The following TFAP2C variants were observed in gnomAD, a reference collection of about 807,000 sequenced individuals.
The protein encoded by TFAP2C is activating enhancer-binding protein 2 gamma.
TFAP2C carries 9 observed loss-of-function variants against 42.9 expected under a neutral mutation model. That is an observed-to-expected ratio of 0.21 (90% CI 0.13 to 0.37). The LOEUF is 0.37. Among genes scored for constraint, TFAP2C ranks in the 10% least tolerant of loss-of-function variants. The pLI, the probability that TFAP2C is intolerant of heterozygous loss-of-function variation, is 1.00. For missense variants in TFAP2C, 462 were observed against 591.7 expected (o/e 0.78, Z 2.27); for synonymous variants, 264 against 256.0 (o/e 1.03, Z -0.30).
chr20:56,630,744 A>G lies in TFAP2C; in HGVS notation c.49-461A>G. On this transcript the variant is annotated intron_variant, in intron 1 of 6. Coordinates refer to ENST00000201031, the MANE Select transcript of TFAP2C (RefSeq NM_003222.4). This position sits in a 1 kb window ranked among gnomAD's most constrained non-coding sequence, Gnocchi z 5.1. Reference sequence around the variant, plus strand: ...GAGGTGCGCATTTCCCGCGCCGCGCACTCTATCCGCGCCTGCCGCGCTGCC... The same window carrying G: ...GAGGTGCGCATTTCCCGCGCCGCGCGCTCTATCCGCGCCTGCCGCGCTGCC... The G allele has an allele frequency of 1.0e-6, 1 of 984,598 alleles. No homozygotes were observed. Among genetic ancestry groups the G allele is most frequent in the Non-Finnish European group, 1.2e-6 (1 of 829,664 alleles). 61.0% of individuals were successfully genotyped at this position (984,598 alleles called of 1,614,324 possible).
chr20:56,629,414 C>G lies in TFAP2C; in HGVS notation c.-131C>G, dbSNP rs1568750695. ...GCCGATGCGTGTCCAGTGACCCGGA[C>G]AGCAAGGCCCGCGCGCGGCGGGGGC... On this transcript the variant is annotated 5_prime_UTR_variant, in exon 1 of 7. Transcript: ENST00000201031. This position sits in a 1 kb window ranked among gnomAD's most constrained non-coding sequence, Gnocchi z 5.9. 4.0e-6 allele frequency: 3 copies of G among 747,042 alleles called. No individual in the cohort carries two copies. The highest frequency in any genetic ancestry group is 5.8e-6 in the Non-Finnish European group (3 of 513,038). The allele number at this position is 747,042 out of a possible 1,614,324, so 46.3% of individuals were successfully genotyped here. A position where few individuals can be genotyped will look rare whatever the true frequency, so the allele number is the denominator to read the frequency against.
rs558498543 is a variant in TFAP2C, at chr20:56,629,801, G to T, written c.48+209G>T. 2.8e-4 allele frequency among the ~76,000 whole-genome samples: 42 copies of T among 152,240 alleles called. No homozygotes were observed. Among genetic ancestry groups the T allele is most frequent in the African/African-American group, 9.9e-4 (41 of 41,558 alleles). ...TAAATAGCCTCCCCTCGGGAACGAG[G>T]CCTGGAAAGAGAATGGCAAATCCCA... On this transcript the variant is annotated intron_variant, in intron 1 of 6. Coordinates refer to ENST00000201031, the MANE Select transcript of TFAP2C (RefSeq NM_003222.4). The surrounding 1 kb of genome is among the most constrained non-coding windows in gnomAD (Gnocchi z 5.9).
intron 5 of TFAP2C, among the ~76,000 whole-genome samples, chr20:56,636,263 G>T (rs571501361): frequency 6.6e-6 from 1 of 152,296 alleles, no homozygotes; most frequent in South Asian, 2.1e-4. Context: ...GAAAATGGGG[G>T]CTGGGTGCTG....
At position 56,631,634 on chromosome 20, in the gene TFAP2C, G is replaced by T; in HGVS notation, c.478G>T (p.Gly160Cys). ...CCACGCACACGCCCTGGATGCCGCG[G>T]GCCTGGCCGAGAACCTGGGGCTCCA... ...LPHAHALDAAGLAENLGLHDM... is the reference protein window; with the variant it reads ...LPHAHALDAACLAENLGLHDM... The change falls in exon 2 of 7, where the codon GGC becomes TGC. Residue 160 changes from glycine (G) to cysteine (C), a missense_variant. Physicochemically the swap from Gly to Cys is radical, Grantham distance 159 (BLOSUM62 -3). Transcript: ENST00000201031. The surrounding 1 kb of genome is among the most constrained non-coding windows in gnomAD (Gnocchi z 6.1). 1 of 1,577,648 alleles carries T rather than the reference G, an allele frequency of 6.3e-7. No homozygotes were observed.
intron 6 of TFAP2C, 111 bp from the exon 7 acceptor site, chr20:56,637,617 T>G: frequency 1.1e-6 from 1 of 934,770 alleles, no homozygotes; most frequent in South Asian, 1.6e-5. Flanking sequence ...TTCCTCGGGT[T>G]GAAGCAGTTG....
rs773514336 is a variant in TFAP2C at position 56,634,172 on chromosome 20, C to T, written c.826C>T (p.Arg276Trp). 1.9e-6 allele frequency: 3 copies of T among 1,613,580 alleles called. No homozygotes were observed. The highest frequency in any genetic ancestry group is 1.1e-5 in the South Asian group (1 of 91,002). The change falls in exon 5 of 7, where the codon CGG (arginine) becomes TGG (tryptophan). Residue 276 changes from arginine (R) to tryptophan (W), a missense_variant. Physicochemically the swap from Arg to Trp is moderately radical, Grantham distance 101. Transcript: ENST00000201031. Reference sequence around the variant, plus strand: ...TAGAGCCAAATCGAAAAATGGAGGCCGGTCCTTGCGGGAGAAGTTGGACAA... The same window carrying T: ...TAGAGCCAAATCGAAAAATGGAGGCTGGTCCTTGCGGGAGAAGTTGGACAA... Reference protein sequence around the residue: ...LRRAKSKNGGRSLREKLDKIG... With the variant: ...LRRAKSKNGGWSLREKLDKIG...
At position 56,631,933 on chromosome 20, in the gene TFAP2C, AT is replaced by A; in HGVS notation, c.586+80del. On this transcript the variant is annotated intron_variant, in intron 3 of 6. Transcript: ENST00000201031. This position sits in a 1 kb window ranked among gnomAD's most constrained non-coding sequence, Gnocchi z 6.1. ...GAAGTTGACTGGCAAGGTTGGGGGT[AT>A]TTGGTGGCCAGCGTGGGACATTTGT... The A allele has an allele frequency of 6.5e-7, 1 of 1,533,144 alleles. No individual in the cohort carries two copies. The highest frequency in any genetic ancestry group is 9.0e-7 in the Non-Finnish European group (1 of 1,107,082). 95.0% of individuals were successfully genotyped at this position (1,533,144 alleles called of 1,614,324 possible). A position where few individuals can be genotyped will look rare whatever the true frequency, so the allele number is the denominator to read the frequency against.
intron 4 of TFAP2C, 21 bp from the exon 5 acceptor site, chr20:56,634,129 G>A: frequency 6.4e-7 from 1 of 1,566,366 alleles, no homozygotes; most frequent in East Asian, 2.2e-5. Context: ...AGTAGCCAGA[G>A]TCAATTTTTC....
chr20:56,631,368 A>G lies in TFAP2C; in HGVS notation c.212A>G (p.Gln71Arg). ...PPPYQQLAYS[Q>R]SADPYSHLGE... ...CCCTACCAGCAGCTGGCCTACTCCC[A>G]GTCGGCCGACCCCTACTCGCATCTG... Residue 71 changes from glutamine to arginine, a missense_variant, in exon 2 of 7, where the codon CAG (glutamine) becomes CGG (arginine). Physicochemically the swap from Gln to Arg is conservative, Grantham distance 43. Transcript: ENST00000201031. This position sits in a 1 kb window ranked among gnomAD's most constrained non-coding sequence, Gnocchi z 6.1. 5 of 1,611,388 alleles carry G rather than the reference A, an allele frequency of 3.1e-6. No homozygotes were observed. In the South Asian group the frequency reaches 5.5e-5, roughly 18 times the overall value.
Position 56,630,420 on chromosome 20 carries a change from G to GA in TFAP2C, c.49-782dup, listed in dbSNP as rs1198111212. On this transcript the variant is annotated intron_variant, in intron 1 of 6. Coordinates refer to ENST00000201031, the MANE Select transcript of TFAP2C (RefSeq NM_003222.4). This position sits in a 1 kb window ranked among gnomAD's most constrained non-coding sequence, Gnocchi z 5.1. ...TGGGCAGATGGGGACGCATCCTTTAGAAACTGAGTCGGGCCGCCCAGGGGC... is the reference window on the plus strand; with the variant it reads ...TGGGCAGATGGGGACGCATCCTTTAGAAAACTGAGTCGGGCCGCCCAGGGGC... The GA allele has an allele frequency of 2.3e-6, 1 of 440,696 alleles. No homozygotes were observed. The highest frequency in any genetic ancestry group is 4.7e-6 in the Non-Finnish European group (1 of 211,504). 27.3% of individuals were successfully genotyped at this position (440,696 alleles called of 1,614,324 possible).
At position 56,630,271 on chromosome 20, in the gene TFAP2C, C is replaced by T. The variant is rs375391110; in HGVS notation, c.48+679C>T. On this transcript the variant is annotated intron_variant, in intron 1 of 6. Transcript: ENST00000201031. The surrounding 1 kb of genome is among the most constrained non-coding windows in gnomAD (Gnocchi z 5.1). The stretch of plus-strand genomic sequence containing the variant: ...CGCCGGGAGCGCGGAGCTCGGGCTA[C>T]GGACTCGCGGGAGTTCACTGCGCCT... 2.7e-5 allele frequency: 9 copies of T among 331,808 alleles called. No individual in the cohort carries two copies. The highest frequency in any genetic ancestry group is 1.9e-4 in the South Asian group (9 of 46,892). 20.6% of individuals were successfully genotyped at this position (331,808 alleles called of 1,614,324 possible).
rs574659609 is a variant in TFAP2C at position 56,631,248 on chromosome 20, A to G, written c.92A>G (p.His31Arg). 1 of 1,562,336 alleles carries G rather than the reference A, an allele frequency of 6.4e-7. No individual in the cohort carries two copies. Among genetic ancestry groups the G allele is most frequent in the South Asian group, 1.2e-5 (1 of 85,632 alleles). ...GSSNGNPRVP[H>R]LSSAGQHLYS... ...AGCAATGGGAATCCGCGGGTCCCCC[A>G]CCTCTCCTCCGCCGGGCAGCACCTC... The change falls in exon 2 of 7, where the codon CAC becomes CGC. Residue 31 changes from histidine to arginine, a missense_variant. By Grantham distance (29) the His-to-Arg change is conservative. Around this residue, in one of 5 missense-constraint regions of TFAP2C, gnomAD observed 271 missense variants for 269.7 expected, o/e 1.00. Transcript: ENST00000201031. This position sits in a 1 kb window ranked among gnomAD's most constrained non-coding sequence, Gnocchi z 6.1.
chr20:56,637,612 C>CA, intron 6 of TFAP2C, 116 bp from the exon 7 acceptor site: 2 of 873,002 alleles, frequency 2.3e-6, no homozygotes, highest in East Asian at 5.1e-5. Context: ...TCTCCTTCCT[C>CA]GGGTTGAAGC....
chr20:56,635,688 C>T (rs1987570708), intron 5 of TFAP2C, among the ~76,000 whole-genome samples: 1 of 152,064 alleles, frequency 6.6e-6, no homozygotes, highest in Non-Finnish European at 1.5e-5. Flanking sequence ...AAAGAGAAAA[C>T]ATGGGTATGT....
intron 5 of TFAP2C, among the ~76,000 whole-genome samples, chr20:56,634,669 T>C (rs80037172): frequency 0.023 from 3,557 of 152,302 alleles, 128 homozygotes; most frequent in African/African-American, 0.081. Context: ...GCTTCTGTTT[T>C]TTGTAGCTGT....
Position 56,629,716 on chromosome 20 carries a change from T to C in TFAP2C, c.48+124T>C. The C allele has an allele frequency of 1.5e-6, 1 of 648,446 alleles. No homozygotes were observed. Among genetic ancestry groups the C allele is most frequent in the South Asian group, 5.1e-5 (1 of 19,772 alleles). The allele number at this position is 648,446 out of a possible 1,614,324, so 40.2% of individuals were successfully genotyped here. A position where few individuals can be genotyped will look rare whatever the true frequency, so the allele number is the denominator to read the frequency against. ...GGCCTCTCGGTGGGACGGGATCCAC[T>C]TCTCCGGACACCCCTTAGTCCATTT... is the stretch of plus-strand genomic sequence containing the variant. On this transcript the variant is annotated intron_variant, in intron 1 of 6. Transcript: ENST00000201031. The surrounding 1 kb of genome is among the most constrained non-coding windows in gnomAD (Gnocchi z 5.9).
Position 56,636,606 on chromosome 20 carries a change from C to A in TFAP2C, c.923-4C>A. 6.2e-7 allele frequency: 1 copy of A among 1,609,514 alleles called. No individual in the cohort carries two copies. Among genetic ancestry groups the A allele is most frequent in the East Asian group, 2.2e-5 (1 of 44,802 alleles). On this transcript the variant is annotated splice_polypyrimidine_tract_variant and splice_region_variant and intron_variant, in intron 5 of 6. Transcript: ENST00000201031. Reference sequence around the variant, plus strand: ...ATCCTAAAAGCTGTTGCTGATTATTCTAGGTGAAGCTGTTCATTTGGCTAG... The same window carrying A: ...ATCCTAAAAGCTGTTGCTGATTATTATAGGTGAAGCTGTTCATTTGGCTAG...
intron 4 of TFAP2C, among the ~76,000 whole-genome samples, 166 bp downstream of exon 4, chr20:56,633,735 G>A (rs968393607): frequency 6.6e-6 from 1 of 152,142 alleles, no homozygotes; most frequent in African/African-American, 2.4e-5. Flanking sequence ...GCCAAATGTG[G>A]GAGGAAGTGC....
intron 6 of TFAP2C, among the ~76,000 whole-genome samples, chr20:56,637,180 A>G (rs1987599141): frequency 1.3e-5 from 2 of 152,230 alleles, no homozygotes; most frequent in Non-Finnish European, 2.9e-5. Flanking sequence ...CTGTCTCCAA[A>G]ACGACTTAAT....
Sources: allele counts gnomAD v4.1 joint callset (sites outside exome capture counted in the v4.1 genomes callset), GRCh38; gene constraint gnomAD v4.1.1; regional missense constraint gnomAD v4.1.1; non-coding constraint Gnocchi (gnomAD v3.1); transcripts MANE v1.5; gene names NCBI Gene and HGNC (gene_info 2026-07-23, HGNC 2026-07-21).